ACOT1: variants seen among roughly 807,000 people sequenced by gnomAD.
ACOT1 encodes acyl-coenzyme A thioesterase 1.
A neutral mutation model predicts 15.7 loss-of-function variants in ACOT1; 8 were observed. The observed-to-expected ratio is 0.51, with a 90% CI of 0.30 to 0.92. The LOEUF is 0.92. ACOT1 is among the 40% of genes least tolerant of loss of function. The pLI is 0.06. For missense variants in ACOT1, 151 were observed against 539.4 expected (o/e 0.28, Z 7.13); for synonymous variants, 67 against 241.2 (o/e 0.28, Z 6.69).
the ACOT1 span, chr14:73,491,095 C>A: frequency 6.2e-7 from 1 of 1,600,360 alleles, no homozygotes; most frequent in South Asian, 1.1e-5. Context: ...AGCCACACAG[C>A]GGGTCGGTCC....
the ACOT1 span, chr14:73,491,887 C>T: frequency 1.1e-5 from 17 of 1,611,762 alleles, no homozygotes; most frequent in South Asian, 9.9e-5. Flanking sequence ...GGTCCCTGTA[C>T]CAGGCCGGCT....
At chr14:73,524,321 A>G in the ACOT1 span, among the ~76,000 whole-genome samples, 1 of 131,344 alleles carries the variant, frequency 7.6e-6, no homozygotes, top group African/African-American at 3.1e-5. Context: ...ATATATATAT[A>G]TATATATATA....
the ACOT1 span, among the ~76,000 whole-genome samples, chr14:73,506,804 GTTTT>G: frequency 0.081 from 6,532 of 80,448 alleles, 424 homozygotes; most frequent in African/African-American, 0.17. Flanking sequence ...GACTTTAACT[GTTTT>G]TTTTTTTTTT....
the ACOT1 span, among the ~76,000 whole-genome samples, chr14:73,511,556 TAAATAAATA>T: frequency 0.023 from 2,258 of 97,822 alleles, 23 homozygotes; most frequent in East Asian, 0.051. Context: ...AATAAATAAA[TAAATAAATA>T]AAATAAAATA....
At chr14:73,500,435 T>G in the ACOT1 span, 88 of 1,160,436 alleles carry the variant, frequency 7.6e-5, no homozygotes, top group Non-Finnish European at 1.1e-4. Flanking sequence ...CCTTCCCAGT[T>G]CCAATCTCTC....
chr14:73,513,662 G>T, the ACOT1 span, among the ~76,000 whole-genome samples: 2 of 137,892 alleles, frequency 1.5e-5, no homozygotes, highest in Non-Finnish European at 3.0e-5. Context: ...AGGAAGCAGA[G>T]GTTGCAGTAA....
the ACOT1 span, among the ~76,000 whole-genome samples, chr14:73,511,743 C>T: frequency 6.6e-6 from 1 of 151,874 alleles, no homozygotes; most frequent in Non-Finnish European, 1.5e-5. Flanking sequence ...ATGGGATCTT[C>T]AAGGTGGGAA....
At chr14:73,514,744 G>A in the ACOT1 span, among the ~76,000 whole-genome samples, 1 of 152,118 alleles carries the variant, frequency 6.6e-6, no homozygotes, top group Non-Finnish European at 1.5e-5. Context: ...TTTGAGAACA[G>A]AAGAAGCCGT....
At chr14:73,509,253 G>A in the ACOT1 span, 1 of 1,509,210 alleles carries the variant, frequency 6.6e-7, no homozygotes. Context: ...GACTGGGAAA[G>A]CTGATAGTGA....
the ACOT1 span, among the ~76,000 whole-genome samples, chr14:73,510,365 G>A: frequency 6.6e-6 from 1 of 151,990 alleles, no homozygotes; most frequent in Admixed American, 6.6e-5. Context: ...GAAGAATATG[G>A]GACAGGAGCA....
chr14:73,500,476 C>G, the ACOT1 span: 1 of 1,439,102 alleles, frequency 6.9e-7, no homozygotes, highest in Non-Finnish European at 9.5e-7. Context: ...GTTGAGCATA[C>G]TGTGCACAAC....
At chr14:73,500,706 G>T in the ACOT1 span, 1 of 1,613,966 alleles carries the variant, frequency 6.2e-7, no homozygotes, top group Non-Finnish European at 8.5e-7. Flanking sequence ...CACGCTCCTG[G>T]GAATTTCCTT....
At chr14:73,491,515 G>A in the ACOT1 span, 1 of 1,513,464 alleles carries the variant, frequency 6.6e-7, no homozygotes. Flanking sequence ...CCCCTGCGAC[G>A]GCGTCGGGGC....
chr14:73,500,147 G>A, the ACOT1 span, among the ~76,000 whole-genome samples: 2 of 152,024 alleles, frequency 1.3e-5, no homozygotes, highest in Non-Finnish European at 2.9e-5. Context: ...GGAGAATGGC[G>A]TGAACCTGGG....
the ACOT1 span, among the ~76,000 whole-genome samples, chr14:73,524,004 C>T: frequency 6.6e-6 from 1 of 151,958 alleles, no homozygotes. Flanking sequence ...TATTTAATAG[C>T]TGTAGGCCGG....
At chr14:73,533,873 C>G (rs1888782999), upstream of ACOT1, among the ~76,000 whole-genome samples, 1 of 68,942 alleles carries the variant, frequency 1.5e-5, no homozygotes, top group South Asian at 5.2e-4. Context: ...ATAGCAAGAC[C>G]CTGTCTCTAA....
chr14:73,498,424 A>C, the ACOT1 span: 1 of 1,249,790 alleles, frequency 8.0e-7, no homozygotes, highest in South Asian at 1.5e-5. Context: ...TGAGTTTTGC[A>C]AACAATACCT....
chr14:73,536,628 T>C (rs542325595), upstream of ACOT1, among the ~76,000 whole-genome samples: 237 of 111,128 alleles, frequency 2.1e-3, 69 homozygotes, highest in Non-Finnish European at 3.7e-3. Context: ...CGGTGGCTCA[T>C]CGCCTGTAAA....
At chr14:73,500,045 C>T in the ACOT1 span, among the ~76,000 whole-genome samples, 17 of 152,142 alleles carry the variant, frequency 1.1e-4, no homozygotes, top group African/African-American at 3.4e-4. Flanking sequence ...CTGGCTAACA[C>T]GGTGAAACCC....
Sources: allele counts gnomAD v4.1 joint callset (sites outside exome capture counted in the v4.1 genomes callset), GRCh38; gene constraint gnomAD v4.1.1; transcripts MANE v1.5; gene names NCBI Gene and HGNC (gene_info 2026-07-23, HGNC 2026-07-21).